Variants in EXOC2 observed in about 807,000 individuals in gnomAD.
EXOC2 encodes the protein SEC5-like 1.
A neutral mutation model predicts 131.8 loss-of-function variants in EXOC2; 70 were observed. That is an observed-to-expected ratio of 0.53 (90% CI 0.44 to 0.65). The LOEUF (loss-of-function observed/expected upper bound fraction) is 0.65, where lower values mean the gene tolerates loss of function less well. Among genes scored for constraint, EXOC2 ranks in the 30% least tolerant of loss-of-function variants. EXOC2 has a pLI of 0.00. For missense variants in EXOC2, 923 were observed against 1,108.6 expected (o/e 0.83, Z 2.38); for synonymous variants, 411 against 398.4 (o/e 1.03, Z -0.38).
In EXOC2 at chr6:678,802, C is replaced by A. The variant is rs562996031; in HGVS notation, c.-44+14217G>T. Among the ~76,000 whole-genome samples, 9 of 152,234 alleles carry A rather than the reference C, an allele frequency of 5.9e-5. No individual in the cohort carries two copies. The East Asian group carries it at 9.7e-4, about 16-fold the overall frequency. Reference sequence around the variant, plus strand: ...TGATGATGGGCCGTAGTCAGGACAGCCAAAGATTAAGCTGAATTTTATTCT... The same window carrying A: ...TGATGATGGGCCGTAGTCAGGACAGACAAAGATTAAGCTGAATTTTATTCT... On this transcript the variant is annotated intron_variant, in intron 1 of 27. Transcript: ENST00000230449.
At chr6:507,047 C>T (rs1050624980) in intron 23 of EXOC2, among the ~76,000 whole-genome samples, 4 of 150,052 alleles carry the variant, frequency 2.7e-5, no homozygotes, top group Non-Finnish European at 5.9e-5. Flanking sequence ...CACACACACA[C>T]ACACAGAGCA....
intron 13 of EXOC2, among the ~76,000 whole-genome samples, chr6:569,588 G>C (rs2143332): frequency 0.49 from 74,278 of 152,072 alleles, 19,407 homozygotes; most frequent in Admixed American, 0.63. Context: ...CCAGCTTCTG[G>C]GTTTCACTTG....
chr6:556,915 G>A (rs1757446973), intron 17 of EXOC2, among the ~76,000 whole-genome samples: 1 of 152,138 alleles, frequency 6.6e-6, no homozygotes, highest in Non-Finnish European at 1.5e-5. Flanking sequence ...TAATTCTGAA[G>A]GATATTCTGG....
intron 17 of EXOC2, among the ~76,000 whole-genome samples, chr6:557,058 T>G (rs1757452654): frequency 6.6e-6 from 1 of 152,196 alleles, no homozygotes; most frequent in South Asian, 2.1e-4. Context: ...TCTATCTACA[T>G]TAAGTCAGAA....
At chr6:658,655 ATATATATATATT>A (rs1561983303) in intron 1 of EXOC2, among the ~76,000 whole-genome samples, 18 of 75,810 alleles carry the variant, frequency 2.4e-4, no homozygotes, top group African/African-American at 7.7e-4. Flanking sequence ...TTATATATAT[ATATATATATATT>A]TTTTTTTTTT....
chr6:641,546 T>TA (rs1762353452), intron 1 of EXOC2, among the ~76,000 whole-genome samples: 1 of 152,256 alleles, frequency 6.6e-6, no homozygotes, highest in Non-Finnish European at 1.5e-5. Context: ...CAACACGACT[T>TA]AATCAATCAT....
chr6:504,309 G>A (rs1156324122), intron 23 of EXOC2, among the ~76,000 whole-genome samples: 1 of 152,238 alleles, frequency 6.6e-6, no homozygotes, highest in Non-Finnish European at 1.5e-5. Context: ...CCGTCAGAGA[G>A]GGGCTCCGTG....
chr6:687,781 C>A (rs1355547303), intron 1 of EXOC2, among the ~76,000 whole-genome samples: 1 of 152,184 alleles, frequency 6.6e-6, no homozygotes, highest in African/African-American at 2.4e-5. Context: ...AACCAGACAG[C>A]ACTGGGATGG....
At chr6:671,048 C>CAAAAAA (rs376028047) in intron 1 of EXOC2, among the ~76,000 whole-genome samples, 1 of 84,076 alleles carries the variant, frequency 1.2e-5, no homozygotes. Context: ...GACTCCATCT[C>CAAAAAA]AAAAAAAAAA....
chr6:596,061 TG>T, intron 10 of EXOC2, among the ~76,000 whole-genome samples: 1 of 152,130 alleles, frequency 6.6e-6, no homozygotes, highest in Admixed American at 6.5e-5. Context: ...ACCTGTACAA[TG>T]GGCACCGCAC....
chr6:588,416 G>A (rs1279306355), intron 11 of EXOC2, among the ~76,000 whole-genome samples: 2 of 152,010 alleles, frequency 1.3e-5, no homozygotes, highest in South Asian at 2.1e-4. Context: ...GCAGTGGTAC[G>A]ATCTCGGCTT....
chr6:520,808 G>A (rs116186082), intron 23 of EXOC2, among the ~76,000 whole-genome samples: 100 of 136,662 alleles, frequency 7.3e-4, no homozygotes, highest in Non-Finnish European at 1.2e-3. Flanking sequence ...GTCCACACTC[G>A]GAGATGAAAA....
chr6:529,096 C>T (rs939495869), intron 23 of EXOC2, among the ~76,000 whole-genome samples: 1 of 137,654 alleles, frequency 7.3e-6, no homozygotes, highest in Admixed American at 7.7e-5. Context: ...TCCCCGTTAG[C>T]CCGGCATCGC....
intron 23 of EXOC2, among the ~76,000 whole-genome samples, chr6:530,202 C>A (rs1220015143): frequency 6.6e-6 from 1 of 152,214 alleles, no homozygotes; most frequent in Non-Finnish European, 1.5e-5. Flanking sequence ...GTATAATGTA[C>A]TTTCCTACTG....
At chr6:552,632 A>C (rs532743958) in intron 21 of EXOC2, among the ~76,000 whole-genome samples, 50 of 151,992 alleles carry the variant, frequency 3.3e-4, no homozygotes, top group African/African-American at 1.1e-3. Flanking sequence ...ACAACAACAA[A>C]AAAAAACCCA....
intron 1 of EXOC2, among the ~76,000 whole-genome samples, chr6:648,210 T>C (rs781027179): frequency 6.6e-6 from 1 of 152,234 alleles, no homozygotes; most frequent in African/African-American, 2.4e-5. Flanking sequence ...GAGATGTCTC[T>C]TCTCAACCTG....
intron 22 of EXOC2, among the ~76,000 whole-genome samples, chr6:534,754 A>G (rs193212775): frequency 4.6e-5 from 7 of 152,380 alleles, no homozygotes; most frequent in Admixed American, 1.3e-4. Context: ...AAGAAGATGA[A>G]CTACTGAGGA....
chr6:535,239 A>G (rs2127544233), intron 22 of EXOC2, among the ~76,000 whole-genome samples: 1 of 152,258 alleles, frequency 6.6e-6, no homozygotes, highest in South Asian at 2.1e-4. Flanking sequence ...GGTGGTGCGC[A>G]TCTGTGGTCC....
chr6:643,337 G>A (rs1762438236), intron 1 of EXOC2, among the ~76,000 whole-genome samples: 1 of 101,424 alleles, frequency 9.9e-6, no homozygotes, highest in African/African-American at 3.2e-5. Context: ...CATAAAGTAA[G>A]TCACAGGCAA....
Sources: allele counts gnomAD v4.1 joint callset (sites outside exome capture counted in the v4.1 genomes callset), GRCh38; gene constraint gnomAD v4.1.1; transcripts MANE v1.5; gene names NCBI Gene and HGNC (gene_info 2026-07-23, HGNC 2026-07-21).